The following ENAH variants were observed in gnomAD, a reference collection of about 807,000 sequenced individuals.
ENAH encodes the protein protein enabled homolog.
In ENAH, 23 loss-of-function variants were observed where a neutral mutation model predicts 78.7. That is an observed-to-expected ratio of 0.29 (90% CI 0.21 to 0.41). The LOEUF (loss-of-function observed/expected upper bound fraction) is 0.41. ENAH is among the 10% of genes least tolerant of loss of function. ENAH has a pLI of 1.00. For synonymous variants in ENAH, 226 were observed against 241.0 expected (o/e 0.94, Z 0.58); for missense variants, 544 against 691.0 (o/e 0.79, Z 2.39).
intron 4 of ENAH, among the ~76,000 whole-genome samples, chr1:225,519,979 C>T (rs192805320): frequency 2.0e-5 from 3 of 152,088 alleles, no homozygotes; most frequent in Admixed American, 2.0e-4. Flanking sequence ...AATGACTGGC[C>T]ACAGCAATAG....
chr1:225,576,244 C>G (rs2096787093), intron 1 of ENAH, among the ~76,000 whole-genome samples: 1 of 147,946 alleles, frequency 6.8e-6, no homozygotes, highest in South Asian at 2.1e-4. Flanking sequence ...TCACTGCACT[C>G]CAGCCTGCAT....
chr1:225,592,323 C>G (rs1213248937), intron 1 of ENAH, among the ~76,000 whole-genome samples: 1 of 152,186 alleles, frequency 6.6e-6, no homozygotes, highest in Admixed American at 6.5e-5. Flanking sequence ...TTCTGCCAGT[C>G]TGATATGTGG....
chr1:225,517,702 G>A (rs1157253161), intron 5 of ENAH: 1 of 1,551,246 alleles, frequency 6.4e-7, no homozygotes, highest in East Asian at 2.4e-5. Flanking sequence ...CACAGGAGAA[G>A]AAGGTCGAGA....
In ENAH at chr1:225,496,138, A is replaced by G. The variant is rs757420545; in HGVS notation, c.*1637T>C. 6.6e-6 allele frequency: 1 copy of G among 152,666 alleles called. No homozygotes were observed. The highest frequency in any genetic ancestry group is 1.5e-5 in the Non-Finnish European group (1 of 68,038). The allele number at this position is 152,666 out of a possible 1,614,324, so 9.5% of individuals were successfully genotyped here. A position where few individuals can be genotyped will look rare whatever the true frequency, so the allele number is the denominator to read the frequency against. Reference sequence around the variant, plus strand: ...TATGGCACATAACAACTCAAGCATAAATCAAGATGGAGAGCCTGGAGAGTT... The same window carrying G: ...TATGGCACATAACAACTCAAGCATAGATCAAGATGGAGAGCCTGGAGAGTT... On this transcript the variant is annotated 3_prime_UTR_variant, in exon 14 of 14. Transcript: ENST00000366843.
At chr1:225,510,854 A>C (rs1235233888) in intron 10 of ENAH, among the ~76,000 whole-genome samples, 1 of 151,894 alleles carries the variant, frequency 6.6e-6, no homozygotes, top group Non-Finnish European at 1.5e-5. Context: ...TCTACCAAAA[A>C]TCCAAACAAT....
chr1:225,590,067 C>T (rs2096867553), intron 1 of ENAH, among the ~76,000 whole-genome samples: 1 of 146,420 alleles, frequency 6.8e-6, no homozygotes, highest in Non-Finnish European at 1.5e-5. Context: ...GACTAATTGC[C>T]TCCCCTCATC....
intron 1 of ENAH, among the ~76,000 whole-genome samples, chr1:225,650,726 T>C (rs1455134462): frequency 1.3e-5 from 2 of 151,746 alleles, no homozygotes; most frequent in Non-Finnish European, 2.9e-5. Flanking sequence ...GATACCCGCC[T>C]GTAATCCCAG....
intron 5 of ENAH, chr1:225,517,594 C>A: frequency 6.4e-7 from 1 of 1,550,978 alleles, no homozygotes; most frequent in Non-Finnish European, 8.7e-7. Flanking sequence ...GCCTGGGGGG[C>A]TGCTAATCAT....
At chr1:225,641,416 C>T (rs370570007) in intron 1 of ENAH, among the ~76,000 whole-genome samples, 2 of 141,482 alleles carry the variant, frequency 1.4e-5, no homozygotes, top group African/African-American at 5.3e-5. Context: ...AAACAGATCA[C>T]TCAAGGCCAA....
intron 1 of ENAH, among the ~76,000 whole-genome samples, chr1:225,621,841 C>T (rs1657031383): frequency 6.6e-6 from 1 of 152,172 alleles, no homozygotes; most frequent in African/African-American, 2.4e-5. Context: ...ACATACCTAT[C>T]CTCCTTCTCA....
intron 3 of ENAH, among the ~76,000 whole-genome samples, chr1:225,540,130 A>G (rs896948762): frequency 1.3e-5 from 2 of 152,226 alleles, no homozygotes; most frequent in African/African-American, 4.8e-5. Context: ...GTTCAAACTT[A>G]TATTTGGGTA....
chr1:225,576,289 A>C (rs2096787680), intron 1 of ENAH, among the ~76,000 whole-genome samples: 1 of 151,830 alleles, frequency 6.6e-6, no homozygotes, highest in African/African-American at 2.4e-5. Flanking sequence ...AAAAAAAAAA[A>C]AAACCCAAAA....
intron 1 of ENAH, among the ~76,000 whole-genome samples, chr1:225,572,531 G>A (rs535650416): frequency 8.5e-5 from 13 of 152,206 alleles, no homozygotes; most frequent in Middle Eastern, 3.4e-3. Context: ...TTTTCTCCCC[G>A]TTTCTCCCTG....
intron 1 of ENAH, among the ~76,000 whole-genome samples, chr1:225,614,837 T>C (rs1222172167): frequency 1.3e-5 from 2 of 152,210 alleles, no homozygotes; most frequent in African/African-American, 4.8e-5. Flanking sequence ...ATACCACATT[T>C]ACCTATTTTC....
At position 225,494,743 on chromosome 1, in the gene ENAH, T is replaced by C. The variant is rs1403255652; in HGVS notation, c.*3032A>G. On this transcript the variant is annotated 3_prime_UTR_variant, in exon 14 of 14. Transcript: ENST00000366843. Reference sequence around the variant, plus strand: ...AGTCTTGGACTTTAAAAGGTGTTTTTCACATCCAATATAACTTACTTTAAA... The same window carrying C: ...AGTCTTGGACTTTAAAAGGTGTTTTCCACATCCAATATAACTTACTTTAAA... The C allele has an allele frequency of 6.6e-6, 1 of 152,294 alleles. No individual in the cohort carries two copies. Among genetic ancestry groups the C allele is most frequent in the Non-Finnish European group, 1.5e-5 (1 of 68,030 alleles). The allele number at this position is 152,294 out of a possible 1,614,324, so 9.4% of individuals were successfully genotyped here.
At chr1:225,618,845 G>A (rs918564088) in intron 1 of ENAH, among the ~76,000 whole-genome samples, 4 of 152,102 alleles carry the variant, frequency 2.6e-5, no homozygotes, top group Non-Finnish European at 4.4e-5. Context: ...ATTACATTGC[G>A]TTACATGCAG....
chr1:225,615,777 G>A (rs57994249), intron 1 of ENAH, among the ~76,000 whole-genome samples: 8,640 of 150,516 alleles, frequency 0.057, 240 homozygotes, highest in Middle Eastern at 0.11. Context: ...CGGCCGCCCC[G>A]TCTGAGAAGT....
intron 3 of ENAH, among the ~76,000 whole-genome samples, chr1:225,553,228 C>T (rs907446543): frequency 2.6e-5 from 4 of 151,874 alleles, no homozygotes; most frequent in South Asian, 2.1e-4. Context: ...AGCTAGGCTC[C>T]GTCTCAAAAA....
At chr1:225,534,508 TAAAA>T (rs200439528) in intron 3 of ENAH, among the ~76,000 whole-genome samples, 1 of 150,722 alleles carries the variant, frequency 6.6e-6, no homozygotes, top group East Asian at 1.9e-4. Context: ...TCTTCATAGG[TAAAA>T]AAAAACAGTA....
Sources: gnomAD v4.1 joint callset for allele counts (sites outside exome capture counted in the v4.1 genomes callset) on GRCh38, gnomAD v4.1.1 for gene constraint, MANE v1.5 for transcripts, NCBI Gene and HGNC (gene_info 2026-07-23, HGNC 2026-07-21) for gene names.